SEC62: variants seen among roughly 807,000 people sequenced by gnomAD.
The protein encoded by SEC62 is translocation protein SEC62.
SEC62 carries 10 observed loss-of-function variants against 47.5 expected under a neutral mutation model. The ratio of observed to expected loss-of-function variants is 0.21; its 90% CI spans 0.13 to 0.36. The LOEUF (loss-of-function observed/expected upper bound fraction) is 0.36. Among genes scored for constraint, SEC62 ranks in the 10% least tolerant of loss-of-function variants. The pLI, the probability that SEC62 is intolerant of heterozygous loss-of-function variation, is 1.00. For missense variants in SEC62, 327 were observed against 464.1 expected (o/e 0.70, Z 2.71); for synonymous variants, 136 against 150.5 (o/e 0.90, Z 0.71).
chr3:169,977,799 T>A (rs191926188), intron 3 of SEC62, among the ~76,000 whole-genome samples: 1,638 of 144,038 alleles, frequency 0.011, 34 homozygotes, highest in African/African-American at 0.046. Context: ...TCTTTTGGGA[T>A]TTTAGATTAT....
chr3:169,982,496 C>A, intron 3 of SEC62: 1 of 507,174 alleles, frequency 2.0e-6, no homozygotes. Flanking sequence ...TATTGAATAT[C>A]ACTGAGTTTT....
At chr3:169,975,774 TTTGGG>T in intron 2 of SEC62, 58 bp downstream of exon 2, 1 of 1,207,486 alleles carries the variant, frequency 8.3e-7, no homozygotes, top group Non-Finnish European at 1.2e-6. Flanking sequence ...TTAACCTACA[TTTGGG>T]ATATGTAGAA....
intron 7 of SEC62, among the ~76,000 whole-genome samples, chr3:169,989,943 C>T (rs889976768): frequency 1.4e-5 from 2 of 146,790 alleles, no homozygotes; most frequent in African/African-American, 2.5e-5. Context: ...TTATGTATAT[C>T]GCATATAATA....
chr3:169,971,313 G>C (rs1252131179), intron 1 of SEC62, among the ~76,000 whole-genome samples: 2 of 151,936 alleles, frequency 1.3e-5, no homozygotes, highest in Non-Finnish European at 2.9e-5. Context: ...GGTCTCATGC[G>C]ATCCACCTCG....
Position 169,995,126 on chromosome 3 carries a change from G to A in SEC62, c.*2063G>A, listed in dbSNP as rs1715344101. ...AGTGGAATAGATGGCTATCTTTCTT[G>A]GCTAACATTAAATATTCTTGTACCA... On this transcript the variant is annotated 3_prime_UTR_variant, in exon 8 of 8. Transcript: ENST00000337002. 1 of 152,054 alleles carries A rather than the reference G, an allele frequency of 6.6e-6. No homozygotes were observed. The highest frequency in any genetic ancestry group is 1.5e-5 in the Non-Finnish European group (1 of 67,984). The allele number at this position is 152,054 out of a possible 1,614,324, so 9.4% of individuals were successfully genotyped here. A position where few individuals can be genotyped will look rare whatever the true frequency, so the allele number is the denominator to read the frequency against.
chr3:169,988,549 A>G (rs568788951), intron 7 of SEC62, among the ~76,000 whole-genome samples, 190 bp downstream of exon 7: 1 of 152,260 alleles, frequency 6.6e-6, no homozygotes, highest in East Asian at 1.9e-4. Context: ...AAAAGGATTT[A>G]ATACATCTTT....
chr3:169,987,993 A>G (rs2108287298), intron 6 of SEC62, among the ~76,000 whole-genome samples: 1 of 152,334 alleles, frequency 6.6e-6, no homozygotes, highest in East Asian at 1.9e-4. Flanking sequence ...GAATTTCTAC[A>G]TAGCATTTTT....
At chr3:169,974,831 A>G (rs1308373782) in intron 1 of SEC62, among the ~76,000 whole-genome samples, 4 of 151,256 alleles carry the variant, frequency 2.6e-5, no homozygotes, top group Non-Finnish European at 5.9e-5. Flanking sequence ...TTAATTTGAG[A>G]ACTCCTTCTG....
At chr3:169,976,854 C>T in intron 2 of SEC62, 92 bp from the exon 3 acceptor site, 3 of 785,276 alleles carry the variant, frequency 3.8e-6, no homozygotes, top group Middle Eastern at 4.0e-4. Context: ...TTTTTGTTGC[C>T]AGAGTGTTGA....
rs146483233 is a variant in SEC62, at chr3:169,992,918, G to A, written c.1055G>A (p.Arg352Gln). 1.9e-5 allele frequency: 31 copies of A among 1,613,848 alleles called. No individual in the cohort carries two copies. The highest frequency in any genetic ancestry group is 5.0e-5 in the Admixed American group (3 of 59,962). ...GACAGTGACAGGAGGGAAGATGATC[G>A]ATCCCAGCACAGTAGTGGAAATGGA... Reference protein sequence around the residue: ...DTDSDRREDDRSQHSSGNGND... With the variant: ...DTDSDRREDDQSQHSSGNGND... The change falls in exon 8 of 8, where the codon CGA (arginine) becomes CAA (glutamine). Residue 352 changes from arginine (R) to glutamine (Q), a missense_variant. Physicochemically the swap from Arg to Gln is conservative, Grantham distance 43. This residue lies in a region of SEC62 where 102 missense variants were observed against 108.8 expected (regional missense o/e 0.94). Coordinates refer to ENST00000337002, the MANE Select transcript of SEC62 (RefSeq NM_003262.4). The surrounding 1 kb of genome is among the most constrained non-coding windows in gnomAD (Gnocchi z 4.0).
chr3:169,979,172 G>A (rs1046887863), intron 3 of SEC62, among the ~76,000 whole-genome samples: 6 of 152,116 alleles, frequency 3.9e-5, no homozygotes, highest in Admixed American at 1.3e-4. Flanking sequence ...AGTCCTTTCT[G>A]CACTAAAATA....
At chr3:169,973,830 A>C (rs533749196) in intron 1 of SEC62, among the ~76,000 whole-genome samples, 54 of 152,306 alleles carry the variant, frequency 3.5e-4, no homozygotes, top group African/African-American at 1.3e-3. Context: ...GACTGTAGGA[A>C]TTGTACACTG....
rs1398789147 is a variant in SEC62 at position 169,988,325 on chromosome 3, C to T, written c.696C>T (p.Gly232=). Reference sequence around the variant, plus strand: ...TTTATTACCTCAGTGTGGGTGCAGGCTGTTTTGTAGCCAGTATTCTTCTCC... The same window carrying T: ...TTTATTACCTCAGTGTGGGTGCAGGTTGTTTTGTAGCCAGTATTCTTCTCC... ...VGVYYLSVGA[G]CFVASILLLA... The change falls in exon 7 of 8, where the codon GGC becomes GGT. Residue 232 remains glycine (G), a synonymous_variant. Coordinates refer to ENST00000337002, the MANE Select transcript of SEC62 (RefSeq NM_003262.4). 6.2e-7 allele frequency: 1 copy of T among 1,613,736 alleles called. No homozygotes were observed.
chr3:169,990,596 A>G (rs1290233960), intron 7 of SEC62, among the ~76,000 whole-genome samples: 2 of 152,190 alleles, frequency 1.3e-5, no homozygotes, highest in Non-Finnish European at 2.9e-5. Flanking sequence ...AAGATTTCAT[A>G]TTATGAATCA....
intron 6 of SEC62, among the ~76,000 whole-genome samples, chr3:169,987,076 A>G (rs1046981764): frequency 6.6e-6 from 1 of 152,054 alleles, no homozygotes; most frequent in Non-Finnish European, 1.5e-5. Context: ...AAAAAAAAAA[A>G]ATAGGTAGCA....
In SEC62 at chr3:169,993,201, A is replaced by G; in HGVS notation, c.*138A>G. 1 of 665,292 alleles carries G rather than the reference A, an allele frequency of 1.5e-6. No individual in the cohort carries two copies. The highest frequency in any genetic ancestry group is 2.5e-6 in the Non-Finnish European group (1 of 393,582). 41.2% of individuals were successfully genotyped at this position (665,292 alleles called of 1,614,324 possible). A position where few individuals can be genotyped will look rare whatever the true frequency, so the allele number is the denominator to read the frequency against. On this transcript the variant is annotated 3_prime_UTR_variant, in exon 8 of 8. Transcript: ENST00000337002. ...AAATGTATTTGACATTCAAGCAGTT[A>G]TATTCGGTCCTTCATTTTATAGAAT... is the stretch of plus-strand genomic sequence containing the variant.
At chr3:169,967,675 G>T (rs1714569638) in intron 1 of SEC62, among the ~76,000 whole-genome samples, 1 of 152,146 alleles carries the variant, frequency 6.6e-6, no homozygotes, top group Non-Finnish European at 1.5e-5. Flanking sequence ...TTGCCAAGAG[G>T]ATTAATTATG....
intron 3 of SEC62, 119 bp from the exon 4 acceptor site, chr3:169,982,588 A>T: frequency 8.2e-7 from 1 of 1,216,496 alleles, no homozygotes; most frequent in Non-Finnish European, 1.2e-6. Flanking sequence ...ACTAGTTGTA[A>T]TTTCTCTTGT....
intron 1 of SEC62, among the ~76,000 whole-genome samples, chr3:169,974,366 C>G (rs2108280977): frequency 6.6e-6 from 1 of 152,262 alleles, no homozygotes; most frequent in East Asian, 1.9e-4. Flanking sequence ...AGCAATAAGA[C>G]AGCTTTTGAA....
Sources: allele counts gnomAD v4.1 joint callset (sites outside exome capture counted in the v4.1 genomes callset), GRCh38; gene constraint gnomAD v4.1.1; regional missense constraint gnomAD v4.1.1; non-coding constraint Gnocchi (gnomAD v3.1); transcripts MANE v1.5; gene names NCBI Gene and HGNC (gene_info 2026-07-23, HGNC 2026-07-21).